AKAP13: variants seen among roughly 807,000 people sequenced by gnomAD.
AKAP13 encodes the protein A-kinase anchoring protein 13.
A neutral mutation model predicts 264.5 loss-of-function variants in AKAP13; 80 were observed. The ratio of observed to expected loss-of-function variants is 0.30; its 90% CI spans 0.25 to 0.36. AKAP13 has a LOEUF of 0.36. Ranked by LOEUF, AKAP13 falls within the 10% of genes least tolerant of loss-of-function variation. The probability of loss-of-function intolerance (pLI) is 1.00; values close to 1 mark genes in which losing one functional copy is unlikely to be tolerated. For synonymous variants in AKAP13, 1,380 were observed against 1,250.2 expected (o/e 1.10, Z -2.19); for missense variants, 3,712 against 3,435.2 (o/e 1.08, Z -2.01).
rs377643462 is a variant in AKAP13, at chr15:85,533,620, G to T, written c.218G>T (p.Cys73Phe). The stretch of plus-strand genomic sequence containing the variant: ...TGTGAAACAGTGAAGGTGCAGCTCT[G>T]TGCTTCCAAAGAGGGCCTTCCCGTG... ...DCCETVKVQL[C>F]ASKEGLPVFV... Residue 73 changes from cysteine to phenylalanine, a missense_variant, in exon 4 of 37, where the codon TGT (cysteine) becomes TTT (phenylalanine). Cys to Phe is a radical substitution (Grantham distance 205, BLOSUM62 -2). Coordinates refer to ENST00000394518, the MANE Select transcript of AKAP13 (RefSeq NM_007200.5). The T allele has an allele frequency of 1.2e-6, 2 of 1,613,852 alleles. No individual in the cohort carries two copies. The highest frequency in any genetic ancestry group is 1.7e-6 in the Non-Finnish European group (2 of 1,179,836).
chr15:85,611,012 T>C (rs2080593240), intron 8 of AKAP13, among the ~76,000 whole-genome samples: 1 of 151,956 alleles, frequency 6.6e-6, no homozygotes, highest in Non-Finnish European at 1.5e-5. Context: ...CCTTAAGTTT[T>C]CCCCTGTGAA....
At chr15:85,474,827 A>G (rs1567076142) in intron 1 of AKAP13, among the ~76,000 whole-genome samples, 1 of 152,162 alleles carries the variant, frequency 6.6e-6, no homozygotes, top group Non-Finnish European at 1.5e-5. Flanking sequence ...TTTATTCTCA[A>G]GACAAGAACC....
intron 16 of AKAP13, chr15:85,690,026 A>C (rs2151630343): frequency 6.6e-6 from 1 of 152,380 alleles, no homozygotes; most frequent in East Asian, 1.9e-4. Flanking sequence ...ATGGGGGTCG[A>C]ATCATGTCGA....
chr15:85,627,872 C>T (rs545401505), intron 8 of AKAP13, among the ~76,000 whole-genome samples: 2 of 152,276 alleles, frequency 1.3e-5, no homozygotes, highest in South Asian at 2.1e-4. Flanking sequence ...CTGCTTTGCT[C>T]ATGCTTTTTT....
chr15:85,462,916 T>C (rs1394121533), intron 1 of AKAP13, among the ~76,000 whole-genome samples: 2 of 142,008 alleles, frequency 1.4e-5, no homozygotes, highest in Non-Finnish European at 3.0e-5. Flanking sequence ...CCCAGCTACT[T>C]GGGAGGCTGA....
At chr15:85,392,316 G>A (rs1567035084) in intron 1 of AKAP13, among the ~76,000 whole-genome samples, 1 of 142,716 alleles carries the variant, frequency 7.0e-6, no homozygotes, top group East Asian at 2.0e-4. Context: ...GTGCAGTGGC[G>A]CTATCTCGGC....
chr15:85,621,368 G>T (rs1273438757), intron 8 of AKAP13: 1 of 152,156 alleles, frequency 6.6e-6, no homozygotes, highest in Non-Finnish European at 1.5e-5. Flanking sequence ...TTTTGAAATT[G>T]TTCCAAGATA....
At chr15:85,510,452 A>C (rs1276185530) in intron 2 of AKAP13, among the ~76,000 whole-genome samples, 1 of 152,240 alleles carries the variant, frequency 6.6e-6, no homozygotes, top group East Asian at 1.9e-4. Flanking sequence ...TTATTGAAGT[A>C]ATAATAAAAG....
intron 8 of AKAP13, among the ~76,000 whole-genome samples, chr15:85,633,183 G>A (rs1197334437): frequency 5.3e-5 from 8 of 152,078 alleles, no homozygotes; most frequent in African/African-American, 1.7e-4. Flanking sequence ...AATTTTAATA[G>A]GGTTTTCTAA....
intron 10 of AKAP13, among the ~76,000 whole-genome samples, chr15:85,649,842 A>G (rs2082723073): frequency 6.6e-6 from 1 of 152,202 alleles, no homozygotes; most frequent in African/African-American, 2.4e-5. Flanking sequence ...ACGATTATAA[A>G]ATATACATGA....
intron 4 of AKAP13, among the ~76,000 whole-genome samples, chr15:85,537,468 T>C (rs1458838485): frequency 1.3e-5 from 2 of 152,244 alleles, no homozygotes; most frequent in African/African-American, 4.8e-5. Flanking sequence ...TTTAATTGTT[T>C]AGTTGCAGTG....
intron 1 of AKAP13, among the ~76,000 whole-genome samples, chr15:85,446,825 C>CATTGTTAA: frequency 6.6e-6 from 1 of 151,016 alleles, no homozygotes; most frequent in African/African-American, 2.4e-5. Context: ...ATTCATCACA[C>CATTGTTAA]ATTGTTAAAC....
Position 85,745,591 on chromosome 15 carries a change from C to T in AKAP13, c.*914C>T, listed in dbSNP as rs551738223. ...CTGACCACTCAGAAGGGGCCACGGC[C>T]TCCTGGCTGTGTTCCTGAGCCCCCG... On this transcript the variant is annotated 3_prime_UTR_variant, in exon 37 of 37. Coordinates refer to ENST00000394518, the MANE Select transcript of AKAP13 (RefSeq NM_007200.5). The T allele has an allele frequency of 1.3e-5, 2 of 152,166 alleles. No individual in the cohort carries two copies. The highest frequency in any genetic ancestry group is 1.9e-4 in the East Asian group (1 of 5,194). 9.4% of individuals were successfully genotyped at this position (152,166 alleles called of 1,614,324 possible).
intron 2 of AKAP13, among the ~76,000 whole-genome samples, chr15:85,502,137 A>G (rs2076053849): frequency 6.6e-6 from 1 of 152,184 alleles, no homozygotes; most frequent in Admixed American, 6.6e-5. Flanking sequence ...ATTTCTGGTA[A>G]GTTCCCAGGT....
intron 3 of AKAP13, among the ~76,000 whole-genome samples, chr15:85,531,080 C>T (rs544947614): frequency 5.9e-5 from 9 of 152,198 alleles, no homozygotes; most frequent in African/African-American, 9.6e-5. Context: ...AGGCTGGTCT[C>T]GAACTCCTGG....
intron 8 of AKAP13, among the ~76,000 whole-genome samples, chr15:85,615,149 T>G (rs2080877845): frequency 6.6e-6 from 1 of 152,224 alleles, no homozygotes; most frequent in Non-Finnish European, 1.5e-5. Context: ...TATTAGTTTG[T>G]TGTTATTTTA....
chr15:85,629,858 A>G (rs1433009161), intron 8 of AKAP13, among the ~76,000 whole-genome samples: 1 of 130,708 alleles, frequency 7.7e-6, no homozygotes, highest in Non-Finnish European at 1.5e-5. Flanking sequence ...TGGCTCACTG[A>G]AACCTCCACC....
In AKAP13 at chr15:85,585,641, A is replaced by T. The variant is rs967509257; in HGVS notation, c.4040-61A>T. 8 of 1,606,490 alleles carry T rather than the reference A, an allele frequency of 5.0e-6. No individual in the cohort carries two copies. In the African/African-American group the frequency reaches 8.0e-5, roughly 16 times the overall value. ...CATGAAACCTGGAGCATGTTGTATG[A>T]ATAGTAAGGCACAGGAATCAGTTTT... On this transcript the variant is annotated intron_variant, in intron 7 of 36. Transcript: ENST00000394518.
At chr15:85,634,257 G>T (rs2081982272) in intron 8 of AKAP13, among the ~76,000 whole-genome samples, 1 of 152,144 alleles carries the variant, frequency 6.6e-6, no homozygotes, top group Non-Finnish European at 1.5e-5. Context: ...CTAGCTTTCT[G>T]CCTTATGCCA....
Sources: allele counts gnomAD v4.1 joint callset (sites outside exome capture counted in the v4.1 genomes callset), GRCh38; gene constraint gnomAD v4.1.1; transcripts MANE v1.5; gene names NCBI Gene and HGNC (gene_info 2026-07-23, HGNC 2026-07-21).